SPOCK1: variants seen among roughly 807,000 people sequenced by gnomAD.
The protein encoded by SPOCK1 is SPARC (osteonectin), cwcv and kazal like domains proteoglycan 1.
In SPOCK1, 23 loss-of-function variants were observed where a neutral mutation model predicts 55.3. The observed-to-expected ratio is 0.42, with a 90% CI of 0.30 to 0.59. SPOCK1 has a LOEUF of 0.59. Among genes scored for constraint, SPOCK1 ranks in the 20% least tolerant of loss-of-function variants. The pLI, the probability that SPOCK1 is intolerant of heterozygous loss-of-function variation, is 0.22. For synonymous variants in SPOCK1, 226 were observed against 221.0 expected, an observed-to-expected ratio of 1.02 and a Z score of -0.20; for missense variants, 499 against 552.5, an observed-to-expected ratio of 0.90 and a Z score of 0.97.
chr5:137,192,802 A>C (rs1672256055), intron 3 of SPOCK1, among the ~76,000 whole-genome samples: 1 of 152,356 alleles, frequency 6.6e-6, no homozygotes. Flanking sequence ...TCAAGGAAAA[A>C]AACAGTGTGA....
intron 8 of SPOCK1, 98 bp downstream of exon 8, chr5:136,988,324 G>C: frequency 1.1e-6 from 1 of 870,946 alleles, no homozygotes; most frequent in Non-Finnish European, 1.8e-6. Flanking sequence ...TTATTCTCTG[G>C]CTGTGGCTCT....
intron 2 of SPOCK1, among the ~76,000 whole-genome samples, chr5:137,399,366 G>T (rs1040163123): frequency 2.1e-5 from 2 of 96,338 alleles, no homozygotes; most frequent in Admixed American, 1.2e-4. Context: ...TTTATTGTTT[G>T]TTGTTGTTGT....
intron 2 of SPOCK1, among the ~76,000 whole-genome samples, chr5:137,302,735 C>G (rs568735784): frequency 6.6e-6 from 1 of 152,050 alleles, no homozygotes; most frequent in South Asian, 2.1e-4. Context: ...GAGTAAGGTA[C>G]ACCTTCTAAA....
At chr5:137,033,165 C>T (rs1328999480) in intron 6 of SPOCK1, among the ~76,000 whole-genome samples, 1 of 152,122 alleles carries the variant, frequency 6.6e-6, no homozygotes, top group Non-Finnish European at 1.5e-5. Flanking sequence ...TCGTGGCGGC[C>T]GAAGGCCTGG....
At chr5:137,347,023 A>T (rs1244165610) in intron 2 of SPOCK1, among the ~76,000 whole-genome samples, 1 of 151,866 alleles carries the variant, frequency 6.6e-6, no homozygotes, top group Non-Finnish European at 1.5e-5. Context: ...TGCCTCCTAA[A>T]CATGTCTCAA....
chr5:137,193,174 GC>G (rs1213216467), intron 3 of SPOCK1, among the ~76,000 whole-genome samples: 2 of 152,158 alleles, frequency 1.3e-5, no homozygotes, highest in African/African-American at 2.4e-5. Flanking sequence ...GGAGACTGCT[GC>G]AACTAGGAGG....
rs529410940 is a variant in SPOCK1 at position 137,044,905 on chromosome 5, G to C, written c.589+22810C>G. Among the ~76,000 whole-genome samples, 217 of 144,770 alleles carry C rather than the reference G, an allele frequency of 1.5e-3. 2 individuals carry two copies. Among genetic ancestry groups the C allele is most frequent in the African/African-American group, 5.2e-3 (202 of 38,960 alleles). The allele number at this position is 144,770 out of a possible 152,430, so 95.0% of individuals were successfully genotyped here. On this transcript the variant is annotated intron_variant, in intron 6 of 10. Transcript: ENST00000394945. ...GAGAATATGCGGTGTTTGGTTTTTTGTTCTTGCGATAGTTTACTGAGAATG... is the reference window on the plus strand; with the variant it reads ...GAGAATATGCGGTGTTTGGTTTTTTCTTCTTGCGATAGTTTACTGAGAATG...
intron 2 of SPOCK1, among the ~76,000 whole-genome samples, chr5:137,455,776 C>G (rs1753351669): frequency 1.3e-5 from 2 of 152,130 alleles, no homozygotes; most frequent in Non-Finnish European, 2.9e-5. Flanking sequence ...CACCTGTAAT[C>G]CCAGCACTTT....
At chr5:137,044,177 C>T (rs1281610590) in intron 6 of SPOCK1, among the ~76,000 whole-genome samples, 1 of 152,122 alleles carries the variant, frequency 6.6e-6, no homozygotes, top group Non-Finnish European at 1.5e-5. Context: ...ATTGATCAAG[C>T]CAAGAAAGTG....
chr5:137,281,850 C>T (rs575101520), intron 2 of SPOCK1, among the ~76,000 whole-genome samples: 90 of 152,314 alleles, frequency 5.9e-4, no homozygotes, highest in African/African-American at 2.0e-3. Context: ...TTTCTCACAC[C>T]TCTCTTCACA....
intron 6 of SPOCK1, among the ~76,000 whole-genome samples, chr5:137,007,740 A>C (rs992885181): frequency 2.6e-5 from 4 of 152,114 alleles, no homozygotes; most frequent in Admixed American, 2.0e-4. Context: ...GCGATTCCTC[A>C]AGGATTTAGA....
At chr5:137,184,563 G>A (rs1755029881) in intron 3 of SPOCK1, among the ~76,000 whole-genome samples, 1 of 152,158 alleles carries the variant, frequency 6.6e-6, no homozygotes, top group Admixed American at 6.5e-5. Flanking sequence ...AGAGTTTCAA[G>A]TAAAATAAAT....
At chr5:137,281,796 G>A (rs770373120) in intron 2 of SPOCK1, among the ~76,000 whole-genome samples, 6 of 152,294 alleles carry the variant, frequency 3.9e-5, no homozygotes, top group South Asian at 2.1e-4. Flanking sequence ...GAACAATACC[G>A]TGTGGGTTAT....
chr5:136,988,554 G>T lies in SPOCK1; in HGVS notation c.796C>A (p.Pro266Thr). Residue 266 changes from proline (P) to threonine (T), a missense_variant, in exon 8 of 11, where the codon CCT (proline) becomes ACT (threonine). Physicochemically the swap from Pro to Thr is conservative, Grantham distance 38 (BLOSUM62 -1). This residue lies in a region of SPOCK1 where 386 missense variants were observed against 400.6 expected (regional missense o/e 0.96). Coordinates refer to ENST00000394945, the MANE Select transcript of SPOCK1 (RefSeq NM_004598.4). Reference sequence around the variant, plus strand: ...AGGTAGATGGCATTGATCTCTGAAGGGTCAAGCAGGAGGTCATAGTTCATG... The same window carrying T: ...AGGTAGATGGCATTGATCTCTGAAGTGTCAAGCAGGAGGTCATAGTTCATG... ...LDMNYDLLLD[P>T]SEINAIYLDK... 2 of 1,614,110 alleles carry T rather than the reference G, an allele frequency of 1.2e-6. No homozygotes were observed. Among genetic ancestry groups the T allele is most frequent in the Non-Finnish European group, 1.7e-6 (2 of 1,179,986 alleles).
intron 3 of SPOCK1, among the ~76,000 whole-genome samples, chr5:137,257,010 T>C (rs1756648034): frequency 6.6e-6 from 1 of 152,210 alleles, no homozygotes; most frequent in South Asian, 2.1e-4. Flanking sequence ...CAAGCCCTCA[T>C]AACCATCGTC....
chr5:137,282,258 A>C (rs1404290046), intron 2 of SPOCK1, among the ~76,000 whole-genome samples: 1 of 152,192 alleles, frequency 6.6e-6, no homozygotes. Flanking sequence ...TGCCATTCTG[A>C]CTCTGAGGAG....
rs1754353701 is a variant in SPOCK1 at position 137,498,461 on chromosome 5, G to C, written c.98C>G (p.Pro33Arg). Residue 33 changes from proline (P) to arginine (R), a missense_variant, in exon 2 of 11, where the codon CCC becomes CGC. Pro to Arg is a moderately radical substitution (Grantham distance 103, BLOSUM62 -2). Coordinates refer to ENST00000394945, the MANE Select transcript of SPOCK1 (RefSeq NM_004598.4). ...HLDALAGGAG[P>R]NHGNFLDNDQ... ...ATTGTCTAGGAAATTGCCGTGGTTG[G>C]GGCCCGCGCCTCCGGCGAGCGCGTC... 3 of 1,609,386 alleles carry C rather than the reference G, an allele frequency of 1.9e-6. No individual in the cohort carries two copies. The highest frequency in any genetic ancestry group is 1.7e-5 in the Admixed American group (1 of 59,804).
intron 7 of SPOCK1, 91 bp downstream of exon 7, chr5:136,992,388 TTAATG>T: frequency 1.1e-6 from 1 of 944,214 alleles, no homozygotes; most frequent in South Asian, 1.8e-5. Context: ...AAGTATATAT[TTAATG>T]TAATGGGTGT....
intron 5 of SPOCK1, among the ~76,000 whole-genome samples, chr5:137,101,533 T>C (rs1753264242): frequency 6.6e-6 from 1 of 152,266 alleles, no homozygotes; most frequent in South Asian, 2.1e-4. Flanking sequence ...CTTCAAATCT[T>C]GGTTAAATGC....
Sources: gnomAD v4.1 joint callset for allele counts (sites outside exome capture counted in the v4.1 genomes callset) on GRCh38, gnomAD v4.1.1 for gene constraint, gnomAD v4.1.1 regional missense constraint, MANE v1.5 for transcripts, NCBI Gene and HGNC (gene_info 2026-07-23, HGNC 2026-07-21) for gene names.